Variants in ZNF723 observed in about 807,000 individuals in gnomAD.
ZNF723 encodes the protein zinc finger protein 723, pseudogene.
In ZNF723, 5 loss-of-function variants were observed where a neutral mutation model predicts 9.4. That is an observed-to-expected ratio of 0.53 (90% CI 0.28 to 1.12). The LOEUF is 1.12. ZNF723 is among the 50% of genes most tolerant of loss of function. The pLI, the probability that ZNF723 is intolerant of heterozygous loss-of-function variation, is 0.10. For missense variants in ZNF723, 450 were observed against 501.5 expected, an observed-to-expected ratio of 0.90 and a Z score of 0.98; for synonymous variants, 158 against 168.8, an observed-to-expected ratio of 0.94 and a Z score of 0.49.
intron 1 of ZNF723, among the ~76,000 whole-genome samples, chr19:22,839,721 C>A (rs1420654475): frequency 6.6e-6 from 1 of 151,994 alleles, no homozygotes; most frequent in African/African-American, 2.4e-5. Context: ...GTGATCCACC[C>A]ATCTCGGCCT....
At chr19:22,813,609 C>T in the ZNF723 span, among the ~76,000 whole-genome samples, 41 of 151,726 alleles carry the variant, frequency 2.7e-4, no homozygotes, top group Admixed American at 2.0e-3. Flanking sequence ...GGCATTGTGG[C>T]GGGTGTCTGT....
At chr19:22,833,949 C>CTT (rs1967131900) in intron 1 of ZNF723, among the ~76,000 whole-genome samples, 2 of 72,182 alleles carry the variant, frequency 2.8e-5, no homozygotes, top group Non-Finnish European at 2.7e-5. Flanking sequence ...TTTTTTTTTT[C>CTT]CGAGTCTCCT....
intron 3 of ZNF723, among the ~76,000 whole-genome samples, chr19:22,850,487 G>T (rs1332439796): frequency 1.4e-5 from 2 of 142,800 alleles, no homozygotes; most frequent in South Asian, 2.2e-4. Flanking sequence ...GATCACAGGC[G>T]CTGGGTCTTT....
At chr19:22,818,852 C>T in the ZNF723 span, among the ~76,000 whole-genome samples, 3 of 152,276 alleles carry the variant, frequency 2.0e-5, no homozygotes, top group South Asian at 4.2e-4. Context: ...CTGCCTGTGC[C>T]CTGCCCAGAT....
intron 1 of ZNF723, among the ~76,000 whole-genome samples, chr19:22,832,703 G>C (rs1276292157): frequency 6.6e-6 from 1 of 152,168 alleles, no homozygotes; most frequent in African/African-American, 2.4e-5. Context: ...ATCCTGACTC[G>C]GGTGAGGAGT....
In ZNF723 at chr19:22,846,813, C is replaced by CTTTTTTTTTTTTT. The variant is rs760924027; in HGVS notation, c.4-1432_4-1420dup. 4.3e-5 allele frequency among the ~76,000 whole-genome samples: 3 copies of CTTTTTTTTTTTTT among 69,112 alleles called. 1 individual carries two copies. Among genetic ancestry groups the CTTTTTTTTTTTTT allele is most frequent in the African/African-American group, 6.0e-5 (1 of 16,652 alleles). 45.3% of individuals were successfully genotyped at this position (69,112 alleles called of 152,430 possible). Reference sequence around the variant, plus strand: ...ATGGTTGCATTCAGCCTATAATTTCCTTTTTTTTTTTTTTTTTTTTTTTTT... The same window carrying CTTTTTTTTTTTTT: ...ATGGTTGCATTCAGCCTATAATTTCCTTTTTTTTTTTTTTTTTTTTTTTTTTTTTTTTTTTTTT... On this transcript the variant is annotated intron_variant, in intron 1 of 3. Transcript: ENST00000600766.
chr19:22,828,934 A>T (rs1473360303), upstream of ZNF723, among the ~76,000 whole-genome samples: 4 of 152,134 alleles, frequency 2.6e-5, no homozygotes, highest in Admixed American at 2.0e-4. Flanking sequence ...ACACTTTGGG[A>T]GGCTGAGGTG....
At chr19:22,832,633 C>G (rs912773086) in intron 1 of ZNF723, among the ~76,000 whole-genome samples, 1 of 152,144 alleles carries the variant, frequency 6.6e-6, no homozygotes, top group African/African-American at 2.4e-5. Context: ...CAGCTCTGCA[C>G]CCGCAGCGCC....
intron 1 of ZNF723, among the ~76,000 whole-genome samples, chr19:22,839,245 G>T (rs1236991439): frequency 6.6e-6 from 1 of 152,114 alleles, no homozygotes; most frequent in Non-Finnish European, 1.5e-5. Flanking sequence ...GAATAGTTCT[G>T]CAGTGACCAT....
At chr19:22,839,574 A>G (rs1967214001) in intron 1 of ZNF723, among the ~76,000 whole-genome samples, 1 of 151,142 alleles carries the variant, frequency 6.6e-6, no homozygotes, top group South Asian at 2.1e-4. Flanking sequence ...CCCAGGTTCA[A>G]GCGATTCTCA....
intron 1 of ZNF723, among the ~76,000 whole-genome samples, chr19:22,833,411 A>G (rs1057152175): frequency 3.3e-5 from 5 of 151,978 alleles, no homozygotes; most frequent in Admixed American, 2.0e-4. Context: ...TCGGCCTCCC[A>G]AAGTGCTGGG....
At chr19:22,819,266 C>A in the ZNF723 span, among the ~76,000 whole-genome samples, 1 of 152,152 alleles carries the variant, frequency 6.6e-6, no homozygotes, top group Non-Finnish European at 1.5e-5. Flanking sequence ...TTTGATGTAA[C>A]TTTACTCTTT....
intron 3 of ZNF723, among the ~76,000 whole-genome samples, chr19:22,854,568 G>T (rs1221567174): frequency 2.6e-5 from 4 of 151,886 alleles, no homozygotes; most frequent in South Asian, 4.1e-4. Context: ...TTGTATCTTT[G>T]TCCCTCATTT....
At chr19:22,839,144 A>C (rs1445131548) in intron 1 of ZNF723, among the ~76,000 whole-genome samples, 3 of 152,150 alleles carry the variant, frequency 2.0e-5, no homozygotes, top group Non-Finnish European at 2.9e-5. Flanking sequence ...CTGTGATTAC[A>C]GGCATGAGCC....
At chr19:22,850,115 T>G (rs1297318705) in intron 3 of ZNF723, among the ~76,000 whole-genome samples, 1 of 152,040 alleles carries the variant, frequency 6.6e-6, no homozygotes. Context: ...TGGTTTGTTT[T>G]TTTTTTGTCA....
chr19:22,853,747 T>C (rs1967430018), intron 3 of ZNF723, among the ~76,000 whole-genome samples: 1 of 152,128 alleles, frequency 6.6e-6, no homozygotes, highest in Non-Finnish European at 1.5e-5. Flanking sequence ...TCCAAGTAGC[T>C]GGAATTGCAG....
At chr19:22,826,787 G>A in the ZNF723 span, among the ~76,000 whole-genome samples, 5 of 152,166 alleles carry the variant, frequency 3.3e-5, no homozygotes, top group Admixed American at 6.5e-5. Flanking sequence ...AATAAAAAAG[G>A]TATCTCTTTA....
At chr19:22,854,170 C>G (rs1967438042) in intron 3 of ZNF723, among the ~76,000 whole-genome samples, 2 of 146,296 alleles carry the variant, frequency 1.4e-5, no homozygotes, top group South Asian at 4.3e-4. Flanking sequence ...CACACACACA[C>G]ACACATTTGT....
chr19:22,835,976 A>T (rs1301808117), intron 1 of ZNF723, among the ~76,000 whole-genome samples: 3 of 152,204 alleles, frequency 2.0e-5, no homozygotes, highest in Non-Finnish European at 4.4e-5. Flanking sequence ...TATGAAATGT[A>T]AGCACCTTAA....
Sources: gnomAD v4.1 joint callset for allele counts (sites outside exome capture counted in the v4.1 genomes callset) on GRCh38, gnomAD v4.1.1 for gene constraint, MANE v1.5 for transcripts, NCBI Gene and HGNC (gene_info 2026-07-23, HGNC 2026-07-21) for gene names.